RBPJL: variants seen among roughly 807,000 people sequenced by gnomAD.
The protein encoded by RBPJL is recombining binding protein suppressor of hairless-like protein.
In RBPJL, 50 loss-of-function variants were observed where a neutral mutation model predicts 57.6. That is an observed-to-expected ratio of 0.87 (90% CI 0.69 to 1.10). The LOEUF (loss-of-function observed/expected upper bound fraction) is 1.10, where lower values mean the gene tolerates loss of function less well. Among genes scored for constraint, RBPJL ranks in the 50% least tolerant of loss-of-function variants. RBPJL has a pLI of 0.00. For synonymous variants in RBPJL, 303 were observed against 294.4 expected, an observed-to-expected ratio of 1.03 and a Z score of -0.30; for missense variants, 684 against 693.7, an observed-to-expected ratio of 0.99 and a Z score of 0.16.
At chr20:45,307,130 G>A (rs1450908894) in intron 1 of RBPJL, among the ~76,000 whole-genome samples, 186 bp downstream of exon 1, 2 of 151,976 alleles carry the variant, frequency 1.3e-5, no homozygotes, top group East Asian at 3.9e-4. Flanking sequence ...GCCCCCTGGC[G>A]CCTAGAATTC....
intron 1 of RBPJL, among the ~76,000 whole-genome samples, chr20:45,307,869 T>C (rs892418284): frequency 6.6e-6 from 1 of 151,906 alleles, no homozygotes; most frequent in African/African-American, 2.4e-5. Flanking sequence ...GATTCAGAGA[T>C]GCCCTGAGGT....
intron 3 of RBPJL, among the ~76,000 whole-genome samples, chr20:45,311,116 C>CA (rs34206228): frequency 0.44 from 40,380 of 90,996 alleles, 6,716 homozygotes; most frequent in African/African-American, 0.49. Flanking sequence ...GACCCTGCCT[C>CA]AAAAAAAAAA....
intron 3 of RBPJL, among the ~76,000 whole-genome samples, 175 bp from the exon 4 acceptor site, chr20:45,311,414 G>A (rs1987159298): frequency 6.6e-6 from 1 of 152,054 alleles, no homozygotes; most frequent in African/African-American, 2.4e-5. Context: ...TTGAATGAGG[G>A]GTGTAAAAAC....
chr20:45,306,878 G>A lies in RBPJL; in HGVS notation c.-45G>A, dbSNP rs905674449. 28 of 1,253,836 alleles carry A rather than the reference G, an allele frequency of 2.2e-5. No individual in the cohort carries two copies. The highest frequency in any genetic ancestry group is 2.5e-5 in the Non-Finnish European group (25 of 991,102). The allele number at this position is 1,253,836 out of a possible 1,614,324, so 77.7% of individuals were successfully genotyped here. A position where few individuals can be genotyped will look rare whatever the true frequency, so the allele number is the denominator to read the frequency against. On this transcript the variant is annotated 5_prime_UTR_variant, in exon 1 of 12. Transcript: ENST00000343694. ...TTCCAGCGACAGCAGCACTGGACTC[G>A]TCCAGAGGGCGGCGGGTGAGCGGCT... is the stretch of plus-strand genomic sequence containing the variant.
chr20:45,313,801 C>T (rs1226404684), intron 7 of RBPJL, among the ~76,000 whole-genome samples, 196 bp downstream of exon 7: 3 of 152,232 alleles, frequency 2.0e-5, no homozygotes, highest in African/African-American at 7.2e-5. Flanking sequence ...GCCCTTTCCC[C>T]ATATATCAAC....
At chr20:45,308,545 A>T in intron 2 of RBPJL, 1 of 440,914 alleles carries the variant, frequency 2.3e-6, no homozygotes. Context: ...GCCGGAATTC[A>T]TTGGAAGCTT....
In RBPJL at chr20:45,316,942, C is replaced by T. The variant is rs747059795; in HGVS notation, c.1537C>T (p.Leu513Phe). The part of the protein sequence containing the change: ...HQEFTRTNFH[L>F]FIQT Reference sequence around the variant, plus strand: ...GGAGTTCACGCGCACCAACTTCCACCTCTTCATCCAGACTTAGGCGCGCCC... The same window carrying T: ...GGAGTTCACGCGCACCAACTTCCACTTCTTCATCCAGACTTAGGCGCGCCC... Residue 513 changes from leucine (L) to phenylalanine (F), a missense_variant, in exon 12 of 12, where the codon CTC becomes TTC. Transcript: ENST00000343694. 2.5e-6 allele frequency: 4 copies of T among 1,612,482 alleles called. No individual in the cohort carries two copies. The Admixed American group carries it at 5.0e-5, about 20-fold the overall frequency.
chr20:45,311,467 C>T, intron 3 of RBPJL, 122 bp from the exon 4 acceptor site: 3 of 834,982 alleles, frequency 3.6e-6, no homozygotes, highest in South Asian at 3.2e-5. Flanking sequence ...CGTGAAAAAG[C>T]GTTGCGGGGA....
chr20:45,317,249 T>G lies in RBPJL; in HGVS notation c.*290T>G. The G allele has an allele frequency of 6.1e-6, 3 of 495,576 alleles. No individual in the cohort carries two copies. Among genetic ancestry groups the G allele is most frequent in the Non-Finnish European group, 1.1e-5 (3 of 279,416 alleles). 30.7% of individuals were successfully genotyped at this position (495,576 alleles called of 1,614,324 possible). Reference sequence around the variant, plus strand: ...GTCTCTAAACCTCTCTCTCTCTCCCTTCCCCCTCAGTACTTAGTCTACAGA... The same window carrying G: ...GTCTCTAAACCTCTCTCTCTCTCCCGTCCCCCTCAGTACTTAGTCTACAGA... On this transcript the variant is annotated 3_prime_UTR_variant, in exon 12 of 12. Coordinates refer to ENST00000343694, the MANE Select transcript of RBPJL (RefSeq NM_014276.4).
Position 45,314,085 on chromosome 20 carries a change from C to T in RBPJL, c.808C>T (p.Arg270Cys), listed in dbSNP as rs777642313. 4 of 1,614,236 alleles carry T rather than the reference C, an allele frequency of 2.5e-6. No homozygotes were observed. The highest frequency in any genetic ancestry group is 1.7e-5 in the Admixed American group (1 of 60,034). ...GDFPPREGYV[R>C]YGSLVQLVCT... is the part of the protein sequence containing the mutation. Reference sequence around the variant, plus strand: ...CTTCCCACCGCGAGAGGGCTACGTTCGCTATGGCTCCCTGGTGCAGCTCGT... The same window carrying T: ...CTTCCCACCGCGAGAGGGCTACGTTTGCTATGGCTCCCTGGTGCAGCTCGT... Residue 270 changes from arginine (R) to cysteine (C), a missense_variant, in exon 8 of 12, where the codon CGC (arginine) becomes TGC (cysteine). Coordinates refer to ENST00000343694, the MANE Select transcript of RBPJL (RefSeq NM_014276.4).
At chr20:45,311,745 C>T in intron 4 of RBPJL, 86 bp downstream of exon 4, 1 of 1,559,488 alleles carries the variant, frequency 6.4e-7, no homozygotes, top group Non-Finnish European at 8.8e-7. Flanking sequence ...TTCGCAGGCG[C>T]AGTCTCCCCG....
Position 45,316,595 on chromosome 20 carries a change from G to A in RBPJL, c.1280+15G>A. The A allele has an allele frequency of 2.0e-6, 3 of 1,518,854 alleles. No individual in the cohort carries two copies. The highest frequency in any genetic ancestry group is 2.5e-5 in the South Asian group (2 of 80,126). 94.1% of individuals were successfully genotyped at this position (1,518,854 alleles called of 1,614,324 possible). A position where few individuals can be genotyped will look rare whatever the true frequency, so the allele number is the denominator to read the frequency against. ...ACCATGTACAGGTACGGGGTGGTGA[G>A]GCAGCCTCTCTTGGGCCCCGGGGAG... is the stretch of plus-strand genomic sequence containing the variant. On this transcript the variant is annotated intron_variant, in intron 11 of 11. Transcript: ENST00000343694.
In RBPJL at chr20:45,316,289, C is replaced by T. The variant is rs746310258; in HGVS notation, c.1123C>T (p.Leu375=). The T allele has an allele frequency of 3.7e-6, 6 of 1,614,234 alleles. No homozygotes were observed. The highest frequency in any genetic ancestry group is 5.1e-6 in the Non-Finnish European group (6 of 1,180,006). Residue 375 remains leucine (L), a synonymous_variant, in exon 10 of 12, where the codon CTG becomes TTG. Transcript: ENST00000343694. ...GGTGGAATTTTCCTTCAGCACCAGC[C>T]TGGCGTGTACCCTGGAGCCGGTCAC... is the stretch of plus-strand genomic sequence containing the variant. The part of the protein sequence containing the change: ...ESVEFSFSTS[L]ACTLEPVTPV...
At chr20:45,311,683 C>CT (rs1442887705) in intron 4 of RBPJL, 24 bp downstream of exon 4, 3 of 1,612,608 alleles carry the variant, frequency 1.9e-6, no homozygotes, top group African/African-American at 2.7e-5. Flanking sequence ...CAAGGGCTGC[C>CT]GGCCGCCTGC....
At chr20:45,308,107 C>A (rs1986895128) in intron 1 of RBPJL, 36 bp from the exon 2 acceptor site, 2 of 1,485,044 alleles carry the variant, frequency 1.3e-6, no homozygotes, top group Non-Finnish European at 1.9e-6. Flanking sequence ...CTAAAATACA[C>A]TCGCCTGACC....
chr20:45,311,122 AAAAAAAAAAGAAAAAG>A (rs1987141108), intron 3 of RBPJL, among the ~76,000 whole-genome samples: 1 of 151,526 alleles, frequency 6.6e-6, no homozygotes, highest in Non-Finnish European at 1.5e-5. Context: ...GCCTCAAAAA[AAAAAAAAAAGAAAAAG>A]AAAAAGAAAG....
intron 9 of RBPJL, among the ~76,000 whole-genome samples, chr20:45,314,823 C>G (rs1163221073): frequency 6.6e-6 from 1 of 152,074 alleles, no homozygotes; most frequent in Admixed American, 6.5e-5. Context: ...TGGCTCATGC[C>G]TGTAATCCCA....
At chr20:45,313,375 C>A in intron 6 of RBPJL, 93 bp from the exon 7 acceptor site, 1 of 1,083,244 alleles carries the variant, frequency 9.2e-7, no homozygotes, top group Non-Finnish European at 1.3e-6. Flanking sequence ...TAACCCTCAC[C>A]CTAACCCTAA....
rs759788863 is a variant in RBPJL, at chr20:45,309,678, C to G, written c.243C>G (p.Tyr81Ter). ...ILHAKVAQKS[Y>*]GNEKRFFCPP... ...ATGCCAAGGTGGCCCAGAAATCATA[C>G]GGAAATGAGAAGCGGTAGGTGCCTC... Residue 81 changes from tyrosine (Y) to a stop codon, truncating the protein, a stop_gained, in exon 3 of 12, where the codon TAC (tyrosine) becomes TAG (stop). Transcript: ENST00000343694. LOFTEE classifies it high-confidence loss of function. The G allele has an allele frequency of 6.2e-7, 1 of 1,613,560 alleles. No homozygotes were observed. The highest frequency in any genetic ancestry group is 1.1e-5 in the South Asian group (1 of 90,942).
Sources: allele counts gnomAD v4.1 joint callset (sites outside exome capture counted in the v4.1 genomes callset), GRCh38; gene constraint gnomAD v4.1.1; transcripts MANE v1.5; gene names NCBI Gene and HGNC (gene_info 2026-07-23, HGNC 2026-07-21).